NAP1L4: variants seen among roughly 807,000 people sequenced by gnomAD.
NAP1L4 encodes nucleosome assembly protein 1-like 4.
Under a neutral mutation model 58.2 loss-of-function variants are expected in NAP1L4, and 15 were observed. The observed-to-expected ratio is 0.26, with a 90% CI of 0.17 to 0.40. NAP1L4 has a LOEUF of 0.40. Among genes scored for constraint, NAP1L4 ranks in the 10% least tolerant of loss-of-function variants. The pLI is 1.00. For synonymous variants in NAP1L4, 171 were observed against 155.6 expected (o/e 1.10, Z -0.74); for missense variants, 384 against 451.1 (o/e 0.85, Z 1.35).
chr11:2,991,288 C>A, intron 1 of NAP1L4: 1 of 366,542 alleles, frequency 2.7e-6, no homozygotes. Context: ...ATGACCAGGC[C>A]ATCCTTCGCT....
chr11:2,970,668 G>A (rs1201150236), intron 6 of NAP1L4, among the ~76,000 whole-genome samples: 1 of 152,136 alleles, frequency 6.6e-6, no homozygotes, highest in Admixed American at 6.6e-5. Context: ...AAACGGGATT[G>A]TTATGATGAA....
intron 1 of NAP1L4, chr11:2,989,417 T>C (rs1848825205): frequency 6.6e-6 from 1 of 152,202 alleles, no homozygotes; most frequent in Non-Finnish European, 1.5e-5. Context: ...TGACGCCTCT[T>C]AGGCCGTCAG....
intron 1 of NAP1L4, among the ~76,000 whole-genome samples, chr11:2,981,953 G>A (rs990804890): frequency 5.9e-5 from 9 of 152,184 alleles, no homozygotes; most frequent in Admixed American, 6.5e-5. Flanking sequence ...CATGTTTGCT[G>A]CAATCACAGT....
chr11:2,984,182 A>G (rs1848491720), intron 1 of NAP1L4, among the ~76,000 whole-genome samples: 1 of 151,212 alleles, frequency 6.6e-6, no homozygotes, highest in East Asian at 1.9e-4. Context: ...AAAAAAAAAA[A>G]AAAAAAAGGC....
Position 2,945,585 on chromosome 11 carries a change from T to A in NAP1L4, c.*94A>T. ...AGGCCTGGAGTCCCGACAGCCGGTC[T>A]GCCAGGCACCCGCCTCCGCTTCCTA... On this transcript the variant is annotated 3_prime_UTR_variant, in exon 16 of 16. Coordinates refer to ENST00000380542, the MANE Select transcript of NAP1L4 (RefSeq NM_005969.4). 6.5e-7 allele frequency: 1 copy of A among 1,535,574 alleles called. No homozygotes were observed. The highest frequency in any genetic ancestry group is 8.7e-7 in the Non-Finnish European group (1 of 1,146,466).
intron 7 of NAP1L4, among the ~76,000 whole-genome samples, chr11:2,969,400 C>A (rs955995652): frequency 6.6e-6 from 1 of 152,026 alleles, no homozygotes; most frequent in Non-Finnish European, 1.5e-5. Flanking sequence ...ACAGCTCATC[C>A]CTTCAAAATT....
chr11:2,967,512 G>A (rs1246027453), intron 7 of NAP1L4, among the ~76,000 whole-genome samples: 1 of 151,722 alleles, frequency 6.6e-6, no homozygotes, highest in Non-Finnish European at 1.5e-5. Context: ...TCGGGAGGCT[G>A]AGGCAGGAGA....
intron 8 of NAP1L4, among the ~76,000 whole-genome samples, chr11:2,962,730 A>C (rs1040381739): frequency 4.6e-5 from 7 of 152,214 alleles, no homozygotes; most frequent in African/African-American, 1.4e-4. Context: ...ATGAGTCACA[A>C]TGAGATGGAG....
chr11:2,964,357 C>G (rs1298423310), intron 8 of NAP1L4, among the ~76,000 whole-genome samples: 1 of 152,202 alleles, frequency 6.6e-6, no homozygotes, highest in Non-Finnish European at 1.5e-5. Context: ...GGAGTTGCAG[C>G]CTGACTCCTG....
At chr11:2,984,214 C>T (rs1270763186) in intron 1 of NAP1L4, among the ~76,000 whole-genome samples, 1 of 149,730 alleles carries the variant, frequency 6.7e-6, no homozygotes, top group East Asian at 2.0e-4. Flanking sequence ...CAATGGCTGG[C>T]TATGCTCACC....
chr11:2,958,168 C>T, intron 10 of NAP1L4: 2 of 682,034 alleles, frequency 2.9e-6, no homozygotes, highest in East Asian at 2.8e-5. Flanking sequence ...TAAAGCTCTT[C>T]CCTTTCCTGC....
rs188872396 is a variant in NAP1L4, at chr11:2,949,534, G to A, written c.1123-270C>T. 1.4e-4 allele frequency among the ~76,000 whole-genome samples: 21 copies of A among 152,300 alleles called. No individual in the cohort carries two copies. The East Asian group carries it at 4.0e-3, about 29-fold the overall frequency. ...AGACTCTAACACTGCCCATCTCTCT[G>A]GAAGGTGCATGTGACAGGGACAGCA... On this transcript the variant is annotated intron_variant, in intron 14 of 15. Coordinates refer to ENST00000380542, the MANE Select transcript of NAP1L4 (RefSeq NM_005969.4). The surrounding 1 kb of genome is among the most constrained non-coding windows in gnomAD (Gnocchi z 4.0).
At chr11:2,964,156 C>G (rs1847117235) in intron 8 of NAP1L4, among the ~76,000 whole-genome samples, 1 of 151,990 alleles carries the variant, frequency 6.6e-6, no homozygotes, top group Admixed American at 6.6e-5. Flanking sequence ...CTAGTAGGTT[C>G]AGATTTCTGA....
At chr11:2,983,499 G>A (rs1486024282) in intron 1 of NAP1L4, among the ~76,000 whole-genome samples, 2 of 151,748 alleles carry the variant, frequency 1.3e-5, no homozygotes, top group African/African-American at 2.4e-5. Context: ...TTATAGGACA[G>A]AGGCACCATG....
At chr11:2,962,668 AG>A (rs1190554363) in intron 8 of NAP1L4, among the ~76,000 whole-genome samples, 2 of 152,140 alleles carry the variant, frequency 1.3e-5, no homozygotes, top group East Asian at 1.9e-4. Context: ...GGAAGTAAAA[AG>A]AAAAAAAAAA....
At chr11:2,983,896 G>A (rs1268683236) in intron 1 of NAP1L4, 1 of 151,274 alleles carries the variant, frequency 6.6e-6, no homozygotes, top group East Asian at 1.9e-4. Flanking sequence ...TGAGGCAGGA[G>A]AATCGCTTGA....
At chr11:2,945,730 C>A in intron 15 of NAP1L4, 84 bp from the exon 16 acceptor site, 8 of 1,120,812 alleles carry the variant, frequency 7.1e-6, no homozygotes, top group Non-Finnish European at 1.0e-5. Flanking sequence ...AAAGCCAAGA[C>A]TGAATGAGTT....
In NAP1L4 at chr11:2,949,151, C is replaced by A; in HGVS notation, c.*32+76G>T. ...CCTGGACAGCAACTCCCTCTTTATT[C>A]AAAGTCAAAACAATGCATTGTATAA... On this transcript the variant is annotated intron_variant, in intron 15 of 15. Coordinates refer to ENST00000380542, the MANE Select transcript of NAP1L4 (RefSeq NM_005969.4). This position sits in a 1 kb window ranked among gnomAD's most constrained non-coding sequence, Gnocchi z 4.0. 1 of 1,204,104 alleles carries A rather than the reference C, an allele frequency of 8.3e-7. No individual in the cohort carries two copies. Among genetic ancestry groups the A allele is most frequent in the South Asian group, 1.3e-5 (1 of 74,996 alleles). The allele number at this position is 1,204,104 out of a possible 1,614,324, so 74.6% of individuals were successfully genotyped here.
chr11:2,945,483 T>C lies in NAP1L4; in HGVS notation c.*196A>G. 1 of 761,774 alleles carries C rather than the reference T, an allele frequency of 1.3e-6. No individual in the cohort carries two copies. The highest frequency in any genetic ancestry group is 1.8e-5 in the African/African-American group (1 of 56,002). 47.2% of individuals were successfully genotyped at this position (761,774 alleles called of 1,614,324 possible). A position where few individuals can be genotyped will look rare whatever the true frequency, so the allele number is the denominator to read the frequency against. Reference sequence around the variant, plus strand: ...AAAGGAAAAGTGAAAGTGAAAATCATGCACTTGAAAACGAGTTAGATGGAG... The same window carrying C: ...AAAGGAAAAGTGAAAGTGAAAATCACGCACTTGAAAACGAGTTAGATGGAG... On this transcript the variant is annotated 3_prime_UTR_variant, in exon 16 of 16. Transcript: ENST00000380542.
Sources: gnomAD v4.1 joint callset for allele counts (sites outside exome capture counted in the v4.1 genomes callset) on GRCh38, gnomAD v4.1.1 for gene constraint, Gnocchi (gnomAD v3.1) non-coding constraint, MANE v1.5 for transcripts, NCBI Gene and HGNC (gene_info 2026-07-23, HGNC 2026-07-21) for gene names.